The following ZFPM2 variants were observed in gnomAD, a reference collection of about 807,000 sequenced individuals.
ZFPM2 encodes the protein zinc finger protein ZFPM2.
ZFPM2 carries 20 observed loss-of-function variants against 98.6 expected under a neutral mutation model. That is an observed-to-expected ratio of 0.20 (90% confidence interval 0.14 to 0.29). The LOEUF (loss-of-function observed/expected upper bound fraction) is 0.29. Among genes scored for constraint, ZFPM2 ranks in the 10% least tolerant of loss-of-function variants. ZFPM2 has a pLI of 1.00. For missense variants in ZFPM2, 1,310 were observed against 1,388.6 expected (o/e 0.94, Z 0.90); for synonymous variants, 518 against 502.7 (o/e 1.03, Z -0.41).
At chr8:105,510,761 A>G (rs1813801696) in intron 3 of ZFPM2, among the ~76,000 whole-genome samples, 1 of 152,120 alleles carries the variant, frequency 6.6e-6, no homozygotes, top group Non-Finnish European at 1.5e-5. Flanking sequence ...GTTGGTTAGG[A>G]GATACTGGAT....
chr8:105,366,208 C>T (rs777953244), intron 1 of ZFPM2, among the ~76,000 whole-genome samples: 4 of 152,014 alleles, frequency 2.6e-5, no homozygotes, highest in South Asian at 4.1e-4. Context: ...GTGGAAGTTA[C>T]GGTATTTTAC....
rs1166954791 is a variant in ZFPM2, at chr8:105,514,093, C to T, written c.302-47270C>T. ...TCTCAGCTCACTACAACCTTTGCCT[C>T]CCAGGTTCAAGTGATTCTCCTGCCT... On this transcript the variant is annotated intron_variant, in intron 3 of 7. Coordinates refer to ENST00000407775, the MANE Select transcript of ZFPM2 (RefSeq NM_012082.4). Among the ~76,000 whole-genome samples the T allele has an allele frequency of 4.0e-5, 6 of 151,502 alleles. No individual in the cohort carries two copies. In the South Asian group the frequency reaches 6.3e-4, roughly 16 times the overall value.
At chr8:105,786,559 C>T (rs1252414841) in intron 5 of ZFPM2, among the ~76,000 whole-genome samples, 1 of 151,000 alleles carries the variant, frequency 6.6e-6, no homozygotes. Flanking sequence ...TCTGACTAAA[C>T]CATCAAATGA....
chr8:105,762,783 C>T (rs1812761103), intron 5 of ZFPM2, among the ~76,000 whole-genome samples: 2 of 151,852 alleles, frequency 1.3e-5, no homozygotes, highest in Non-Finnish European at 2.9e-5. Flanking sequence ...TGGATATAAA[C>T]AAATCCAGAC....
Position 105,788,790 on chromosome 8 carries a change from T to C in ZFPM2, c.605T>C (p.Phe202Ser). Residue 202 changes from phenylalanine to serine, a missense_variant, in exon 6 of 8, where the codon TTT becomes TCT. Transcript: ENST00000407775. ...GAGCTAATTGCCTTTGTGGTGGATT[T>C]TGACTCAAGGCTACAAGCTGCCAGT... ...GEELIAFVVD[F>S]DSRLQAASQM... 1 of 1,614,026 alleles carries C rather than the reference T, an allele frequency of 6.2e-7. No individual in the cohort carries two copies. Among genetic ancestry groups the C allele is most frequent in the South Asian group, 1.1e-5 (1 of 91,080 alleles).
chr8:105,712,530 G>GA (rs113547514), intron 5 of ZFPM2, among the ~76,000 whole-genome samples: 25,586 of 151,850 alleles, frequency 0.17, 2,428 homozygotes, highest in Non-Finnish European at 0.22. Context: ...TAAATTTGGG[G>GA]CGACTACAAG....
chr8:105,683,451 G>T (rs535581314), intron 5 of ZFPM2, among the ~76,000 whole-genome samples: 3 of 152,258 alleles, frequency 2.0e-5, no homozygotes, highest in Non-Finnish European at 4.4e-5. Context: ...ACAAAGTAGA[G>T]AAATTACACA....
At chr8:105,524,093 A>G (rs1234839361) in intron 3 of ZFPM2, among the ~76,000 whole-genome samples, 1 of 152,208 alleles carries the variant, frequency 6.6e-6, no homozygotes, top group Non-Finnish European at 1.5e-5. Context: ...TTTGTTAAGT[A>G]TCAACTATTA....
At chr8:105,521,838 A>G (rs551091079) in intron 3 of ZFPM2, among the ~76,000 whole-genome samples, 197 of 152,334 alleles carry the variant, frequency 1.3e-3, no homozygotes, top group Non-Finnish European at 2.0e-3. Context: ...CGGCCTCCCA[A>G]AGTGCTGGGA....
At chr8:105,381,637 G>T (rs1238634561) in intron 1 of ZFPM2, among the ~76,000 whole-genome samples, 2 of 152,030 alleles carry the variant, frequency 1.3e-5, no homozygotes, top group Non-Finnish European at 2.9e-5. Flanking sequence ...ATCTGATCCA[G>T]GTGGTTTTTG....
intron 4 of ZFPM2, among the ~76,000 whole-genome samples, chr8:105,573,440 A>C (rs1418848021): frequency 2.0e-5 from 3 of 152,252 alleles, no homozygotes; most frequent in African/African-American, 7.2e-5. Flanking sequence ...TCAAATACCA[A>C]GAGCCATGGG....
At chr8:105,658,307 G>A (rs111903540) in intron 5 of ZFPM2, among the ~76,000 whole-genome samples, 2 of 63,162 alleles carry the variant, frequency 3.2e-5, no homozygotes, top group African/African-American at 1.4e-4. Flanking sequence ...CAAAGCAGAC[G>A]GCCGGGCGCG....
intron 3 of ZFPM2, among the ~76,000 whole-genome samples, chr8:105,478,947 G>A (rs1230522366): frequency 1.3e-5 from 2 of 152,150 alleles, no homozygotes; most frequent in Non-Finnish European, 2.9e-5. Context: ...ATAAAGAAGG[G>A]ACCAAAGATA....
At chr8:105,418,563 A>T (rs1183616389) in intron 1 of ZFPM2, 1 of 516,100 alleles carries the variant, frequency 1.9e-6, no homozygotes, top group Admixed American at 2.0e-5. Context: ...GAAAAAATTC[A>T]ATTAATTATG....
chr8:105,677,908 G>T lies in ZFPM2; in HGVS notation c.532+43551G>T, dbSNP rs146707380. On this transcript the variant is annotated intron_variant, in intron 5 of 7. Transcript: ENST00000407775. ...CTTTTTGTTGAAGACTGTAATAGAT[G>T]GCTCTGTAATATCCTATGCAAATAG... 6.6e-3 allele frequency among the ~76,000 whole-genome samples: 1,000 copies of T among 152,212 alleles called. 4 individuals are homozygous for T. The highest frequency in any genetic ancestry group is 0.011 in the Non-Finnish European group (740 of 67,994).
At chr8:105,651,283 A>G in intron 5 of ZFPM2, among the ~76,000 whole-genome samples, 1 of 152,008 alleles carries the variant, frequency 6.6e-6, no homozygotes, top group Admixed American at 6.6e-5. Flanking sequence ...TCTATGTTTC[A>G]ATCATACTCA....
intron 4 of ZFPM2, among the ~76,000 whole-genome samples, chr8:105,603,318 G>C (rs1816131560): frequency 6.6e-6 from 1 of 152,094 alleles, no homozygotes; most frequent in East Asian, 1.9e-4. Flanking sequence ...GAAGACATAT[G>C]ACAGTGCAAA....
intron 1 of ZFPM2, among the ~76,000 whole-genome samples, chr8:105,320,437 A>G (rs978437323): frequency 2.6e-5 from 4 of 151,348 alleles, no homozygotes; most frequent in Admixed American, 2.0e-4. Flanking sequence ...TCAAGTAGCG[A>G]TATCGTTTTT....
chr8:105,410,787 A>G (rs1563646232), intron 1 of ZFPM2, among the ~76,000 whole-genome samples: 1 of 151,868 alleles, frequency 6.6e-6, no homozygotes, highest in Admixed American at 6.6e-5. Flanking sequence ...TATGCCACAT[A>G]ATATATATAA....
Sources: gnomAD v4.1 joint callset for allele counts (sites outside exome capture counted in the v4.1 genomes callset) on GRCh38, gnomAD v4.1.1 for gene constraint, MANE v1.5 for transcripts, NCBI Gene and HGNC (gene_info 2026-07-23, HGNC 2026-07-21) for gene names.